RRAGD: variants seen among roughly 807,000 people sequenced by gnomAD.
RRAGD encodes the protein Ras related GTP binding D, also known as ras-related GTP-binding protein D.
RRAGD carries 12 observed loss-of-function variants against 35.5 expected under a neutral mutation model. The ratio of observed to expected loss-of-function variants is 0.34; its 90% confidence interval spans 0.22 to 0.55. The LOEUF (loss-of-function observed/expected upper bound fraction) is 0.55. Among genes scored for constraint, RRAGD ranks in the 20% least tolerant of loss-of-function variants. RRAGD has a pLI of 0.91. For missense variants in RRAGD, 324 were observed against 490.1 expected (o/e 0.66, Z 3.20); for synonymous variants, 155 against 178.9 (o/e 0.87, Z 1.07).
At chr6:89,379,202 A>C (rs762544552) in intron 4 of RRAGD, 22 bp downstream of exon 4, 1 of 1,246,012 alleles carries the variant, frequency 8.0e-7, no homozygotes, top group Non-Finnish European at 1.2e-6. Flanking sequence ...AAGTGACTCA[A>C]ACAGGAATAT....
intron 6 of RRAGD, among the ~76,000 whole-genome samples, chr6:89,370,269 T>C (rs1245641444): frequency 3.3e-5 from 5 of 152,192 alleles, no homozygotes; most frequent in African/African-American, 1.2e-4. Context: ...GAGTAAAAGA[T>C]GAACACCATT....
chr6:89,406,019 C>A (rs1769571450), intron 1 of RRAGD, among the ~76,000 whole-genome samples: 1 of 152,156 alleles, frequency 6.6e-6, no homozygotes, highest in Non-Finnish European at 1.5e-5. Flanking sequence ...GCAAACAGAA[C>A]ACATATTTTT....
chr6:89,381,714 A>T (rs887995750), intron 2 of RRAGD, among the ~76,000 whole-genome samples: 2 of 152,218 alleles, frequency 1.3e-5, no homozygotes, highest in African/African-American at 4.8e-5. Flanking sequence ...GTAGTACATA[A>T]CTACAGTGCA....
chr6:89,396,213 T>C (rs1769328382), intron 1 of RRAGD, among the ~76,000 whole-genome samples: 1 of 151,610 alleles, frequency 6.6e-6, no homozygotes, highest in African/African-American at 2.4e-5. Context: ...AATACAAAAA[T>C]GAAGAATTTG....
In RRAGD at chr6:89,408,617, A is replaced by G. The variant is rs147919251; in HGVS notation, c.148+3229T>C. On this transcript the variant is annotated intron_variant, in intron 1 of 6. Coordinates refer to ENST00000369415, the MANE Select transcript of RRAGD (RefSeq NM_021244.5). ...GCCTCCAGAAACCACCTACACAGTC[A>G]CTTCCTCAGACCCTAAGGGTGCGCA... Among the ~76,000 whole-genome samples, 394 of 152,270 alleles carry G rather than the reference A, an allele frequency of 2.6e-3. 1 individual carries two copies. Among genetic ancestry groups the G allele is most frequent in the African/African-American group, 9.1e-3 (378 of 41,564 alleles).
At chr6:89,387,859 C>A (rs890063305) in intron 1 of RRAGD, among the ~76,000 whole-genome samples, 1 of 152,086 alleles carries the variant, frequency 6.6e-6, no homozygotes, top group African/African-American at 2.4e-5. Flanking sequence ...CCACTTCTTA[C>A]ACCATCCCGG....
intron 1 of RRAGD, among the ~76,000 whole-genome samples, chr6:89,405,413 G>T (rs909192075): frequency 1.3e-5 from 2 of 151,366 alleles, no homozygotes; most frequent in African/African-American, 4.9e-5. Flanking sequence ...AAATGGAATG[G>T]TTGAAAAAGT....
chr6:89,397,596 T>G (rs1309314384), intron 1 of RRAGD, among the ~76,000 whole-genome samples: 1 of 144,472 alleles, frequency 6.9e-6, no homozygotes, highest in East Asian at 2.0e-4. Context: ...AGAGCGAGAC[T>G]CCGTCTCAAA....
chr6:89,380,026 CT>C (rs1769014761), intron 3 of RRAGD, 141 bp downstream of exon 3: 2 of 731,790 alleles, frequency 2.7e-6, no homozygotes, highest in South Asian at 1.7e-5. Context: ...TCATTTTCCC[CT>C]AATCCTATCC....
Position 89,411,810 on chromosome 6 carries a change from G to C in RRAGD, c.148+36C>G. 1 of 1,531,428 alleles carries C rather than the reference G, an allele frequency of 6.5e-7. No individual in the cohort carries two copies. The highest frequency in any genetic ancestry group is 8.7e-7 in the Non-Finnish European group (1 of 1,143,708). 94.9% of individuals were successfully genotyped at this position (1,531,428 alleles called of 1,614,324 possible). A position where few individuals can be genotyped will look rare whatever the true frequency, so the allele number is the denominator to read the frequency against. ...CGGGAAGGCGCCAAGGGGAGGAAAG[G>C]GGCGCGAGCCGAGGACGCGGGGGCC... is the stretch of plus-strand genomic sequence containing the variant. On this transcript the variant is annotated intron_variant, in intron 1 of 6. Transcript: ENST00000369415. The surrounding 1 kb of genome is among the most constrained non-coding windows in gnomAD (Gnocchi z 5.6).
At chr6:89,381,231 T>C (rs1769036582) in intron 2 of RRAGD, among the ~76,000 whole-genome samples, 1 of 152,218 alleles carries the variant, frequency 6.6e-6, no homozygotes, top group Non-Finnish European at 1.5e-5. Flanking sequence ...TGTGCTACAA[T>C]GGCAGAGTTG....
chr6:89,392,846 T>C (rs544278687), intron 1 of RRAGD, among the ~76,000 whole-genome samples: 1 of 152,306 alleles, frequency 6.6e-6, no homozygotes, highest in South Asian at 2.1e-4. Context: ...TACTCCACTA[T>C]AAGCAACTCC....
At chr6:89,410,653 T>C (rs1490998531) in intron 1 of RRAGD, among the ~76,000 whole-genome samples, 1 of 152,248 alleles carries the variant, frequency 6.6e-6, no homozygotes, top group Non-Finnish European at 1.5e-5. Flanking sequence ...GAGAGGCTGC[T>C]TTCTCATCTA....
At chr6:89,395,799 T>G (rs1014084929) in intron 1 of RRAGD, among the ~76,000 whole-genome samples, 2 of 151,962 alleles carry the variant, frequency 1.3e-5, no homozygotes, top group African/African-American at 4.8e-5. Flanking sequence ...AAACTGTGAG[T>G]GTTGGTGTAA....
At chr6:89,400,396 G>C (rs374943692) in intron 1 of RRAGD, among the ~76,000 whole-genome samples, 18 of 152,060 alleles carry the variant, frequency 1.2e-4, no homozygotes, top group African/African-American at 3.9e-4. Flanking sequence ...CTGTGGGCCA[G>C]GGTAAAAAAT....
At chr6:89,388,457 C>G (rs922283124) in intron 1 of RRAGD, among the ~76,000 whole-genome samples, 1 of 152,024 alleles carries the variant, frequency 6.6e-6, no homozygotes, top group Non-Finnish European at 1.5e-5. Context: ...GTGGCCCTCA[C>G]CGCCAAAAAT....
intron 1 of RRAGD, among the ~76,000 whole-genome samples, chr6:89,405,098 C>A (rs986706192): frequency 1.3e-5 from 2 of 152,028 alleles, no homozygotes; most frequent in African/African-American, 2.4e-5. Flanking sequence ...CACCTGTAAT[C>A]CCAGCACTTT....
At chr6:89,369,688 A>G (rs987334151) in intron 6 of RRAGD, among the ~76,000 whole-genome samples, 2 of 152,220 alleles carry the variant, frequency 1.3e-5, no homozygotes, top group Admixed American at 1.3e-4. Flanking sequence ...CATAGGCATG[A>G]ACCACTGGCA....
At chr6:89,387,806 G>A (rs1185827180) in intron 1 of RRAGD, among the ~76,000 whole-genome samples, 3 of 152,046 alleles carry the variant, frequency 2.0e-5, no homozygotes, top group Non-Finnish European at 4.4e-5. Context: ...AGGCAAAGGG[G>A]ACAGCTTTTG....
Sources: allele counts gnomAD v4.1 joint callset (sites outside exome capture counted in the v4.1 genomes callset), GRCh38; gene constraint gnomAD v4.1.1; non-coding constraint Gnocchi (gnomAD v3.1); transcripts MANE v1.5; gene names NCBI Gene and HGNC (gene_info 2026-07-23, HGNC 2026-07-21).